Variants in ERC2 observed in about 807,000 individuals in gnomAD.
The protein encoded by ERC2 is ELKS/RAB6-interacting/CAST family member 2.
ERC2 carries 42 observed loss-of-function variants against 114.8 expected under a neutral mutation model. That is an observed-to-expected ratio of 0.37 (90% CI 0.29 to 0.47). ERC2 has a LOEUF of 0.47. ERC2 is among the 20% of genes least tolerant of loss of function. The probability of loss-of-function intolerance (pLI) is 0.99; values close to 1 mark genes in which losing one functional copy is unlikely to be tolerated. For missense variants in ERC2, 939 were observed against 1,150.7 expected (o/e 0.82, Z 2.66); for synonymous variants, 454 against 425.5 (o/e 1.07, Z -0.82).
intron 6 of ERC2, among the ~76,000 whole-genome samples, chr3:56,123,297 C>G (rs56132867): frequency 0.014 from 2,161 of 152,110 alleles, 21 homozygotes; most frequent in Middle Eastern, 0.02. Flanking sequence ...CATACTCTTG[C>G]AAAAGAGACC....
chr3:56,194,363 C>A (rs777601697), intron 3 of ERC2, among the ~76,000 whole-genome samples: 3 of 152,152 alleles, frequency 2.0e-5, no homozygotes, highest in Non-Finnish European at 4.4e-5. Context: ...GATTATGCGG[C>A]GAGGCCCGAT....
At chr3:56,231,432 G>A (rs2050610790) in intron 3 of ERC2, among the ~76,000 whole-genome samples, 2 of 152,140 alleles carry the variant, frequency 1.3e-5, no homozygotes, top group South Asian at 2.1e-4. Context: ...CAGTCAAATC[G>A]CAACACATTA....
At chr3:56,138,255 T>A (rs1027231539) in intron 6 of ERC2, among the ~76,000 whole-genome samples, 3 of 151,942 alleles carry the variant, frequency 2.0e-5, no homozygotes, top group Non-Finnish European at 4.4e-5. Context: ...AGAGACTGGG[T>A]TTCACCGTGT....
intron 7 of ERC2, among the ~76,000 whole-genome samples, chr3:56,075,834 G>A (rs991463284): frequency 5.3e-5 from 8 of 152,156 alleles, no homozygotes; most frequent in Admixed American, 1.3e-4. Flanking sequence ...GAGCTCAAGT[G>A]AGTCAAAAAG....
chr3:55,703,643 T>C (rs1200518025), intron 15 of ERC2, among the ~76,000 whole-genome samples: 1 of 152,212 alleles, frequency 6.6e-6, no homozygotes, highest in African/African-American at 2.4e-5. Context: ...CAGAGTCTCA[T>C]GTCTTAGCTG....
At chr3:55,950,284 A>C (rs2067407982) in intron 13 of ERC2, 141 bp downstream of exon 13, 2 of 989,524 alleles carry the variant, frequency 2.0e-6, no homozygotes, top group Admixed American at 5.7e-5. Context: ...GGAAAGACCT[A>C]CTGGGTTCCC....
intron 3 of ERC2, among the ~76,000 whole-genome samples, chr3:56,256,493 G>A (rs1353268258): frequency 6.6e-6 from 1 of 151,996 alleles, no homozygotes; most frequent in Admixed American, 6.6e-5. Flanking sequence ...TTGATTTCCA[G>A]GAAAACTTCA....
At chr3:55,714,698 T>TACAC (rs2064005170) in intron 15 of ERC2, among the ~76,000 whole-genome samples, 1 of 70,078 alleles carries the variant, frequency 1.4e-5, no homozygotes, top group African/African-American at 5.0e-5. Flanking sequence ...TATATATATA[T>TACAC]ATATATATAT....
intron 17 of ERC2, among the ~76,000 whole-genome samples, chr3:55,619,512 C>T (rs962301487): frequency 6.6e-6 from 1 of 152,134 alleles, no homozygotes; most frequent in South Asian, 2.1e-4. Flanking sequence ...CATCGTAAGG[C>T]ACAGAGTTCC....
chr3:55,589,602 G>T lies in ERC2; in HGVS notation c.*40-78326C>A, dbSNP rs142478983. 2.0e-5 allele frequency among the ~76,000 whole-genome samples: 3 copies of T among 152,230 alleles called. No individual in the cohort carries two copies. The East Asian group carries it at 5.8e-4, about 29-fold the overall frequency. On this transcript the variant is annotated intron_variant, in intron 17 of 17. Coordinates refer to ENST00000288221, the MANE Select transcript of ERC2 (RefSeq NM_015576.3). ...CTGAGGCCTCCATGAGGAGTCCTTGGGGTGGCACTGGATTCCTGAAGGAGC... is the reference window on the plus strand; with the variant it reads ...CTGAGGCCTCCATGAGGAGTCCTTGTGGTGGCACTGGATTCCTGAAGGAGC...
At chr3:55,549,799 A>T (rs554423767) in intron 17 of ERC2, among the ~76,000 whole-genome samples, 1 of 152,126 alleles carries the variant, frequency 6.6e-6, no homozygotes, top group South Asian at 2.1e-4. Flanking sequence ...CGAGCTTTGC[A>T]GCAGCTGAAG....
chr3:56,014,617 T>C (rs2073182183), intron 8 of ERC2, among the ~76,000 whole-genome samples: 1 of 151,894 alleles, frequency 6.6e-6, no homozygotes. Context: ...AGTACTTAAA[T>C]AAAGGGAGTA....
rs531554083 is a variant in ERC2, at chr3:55,861,810, T to G, written c.2564+26579A>C. 2.0e-4 allele frequency among the ~76,000 whole-genome samples: 30 copies of G among 152,346 alleles called. No homozygotes were observed. The South Asian group carries it at 6.2e-3, about 32-fold the overall frequency. Reference sequence around the variant, plus strand: ...CATTAGCTGTGTGCCTTGGGCAAATTTATCTAGCCTCTCTGGGCCTCAGTT... The same window carrying G: ...CATTAGCTGTGTGCCTTGGGCAAATGTATCTAGCCTCTCTGGGCCTCAGTT... On this transcript the variant is annotated intron_variant, in intron 14 of 17. Coordinates refer to ENST00000288221, the MANE Select transcript of ERC2 (RefSeq NM_015576.3).
rs561013965 is a variant in ERC2 at position 56,433,232 on chromosome 3, A to G, written c.657+1119T>C. On this transcript the variant is annotated intron_variant, in intron 2 of 17. Transcript: ENST00000288221. Reference sequence around the variant, plus strand: ...AGAGAGAGCAAGAGATGAAGCTGGAATTTAAACCCAGGTATGTCTGATTCC... The same window carrying G: ...AGAGAGAGCAAGAGATGAAGCTGGAGTTTAAACCCAGGTATGTCTGATTCC... Among the ~76,000 whole-genome samples, 9 of 152,246 alleles carry G rather than the reference A, an allele frequency of 5.9e-5. No homozygotes were observed. In the South Asian group the frequency reaches 8.3e-4, roughly 14 times the overall value.
At chr3:56,021,631 G>A (rs759190125) in intron 7 of ERC2, among the ~76,000 whole-genome samples, 6 of 151,942 alleles carry the variant, frequency 3.9e-5, no homozygotes, top group African/African-American at 1.5e-4. Context: ...AAATAAACAC[G>A]TGTCAAGGGG....
At chr3:56,062,978 C>T (rs1252734703) in intron 7 of ERC2, among the ~76,000 whole-genome samples, 1 of 152,182 alleles carries the variant, frequency 6.6e-6, no homozygotes, top group East Asian at 1.9e-4. Context: ...ATGGTTATGA[C>T]AGAGATTGTT....
chr3:55,749,813 G>C (rs1162948704), intron 14 of ERC2, among the ~76,000 whole-genome samples: 1 of 152,106 alleles, frequency 6.6e-6, no homozygotes, highest in African/African-American at 2.4e-5. Context: ...AATAAACCTT[G>C]CTACTGCCCA....
chr3:56,085,973 G>T (rs965970680), intron 6 of ERC2, among the ~76,000 whole-genome samples: 1 of 152,136 alleles, frequency 6.6e-6, no homozygotes, highest in Non-Finnish European at 1.5e-5. Context: ...TTACAATATG[G>T]GAGGTAGTGA....
chr3:55,919,080 AT>A, intron 13 of ERC2, among the ~76,000 whole-genome samples: 1 of 152,300 alleles, frequency 6.6e-6, no homozygotes, highest in South Asian at 2.1e-4. Flanking sequence ...AAAAATGGAT[AT>A]TTAAAGTATG....
Sources: allele counts gnomAD v4.1 joint callset (sites outside exome capture counted in the v4.1 genomes callset), GRCh38; gene constraint gnomAD v4.1.1; transcripts MANE v1.5; gene names NCBI Gene and HGNC (gene_info 2026-07-23, HGNC 2026-07-21).